Variants in FNDC1 observed in about 807,000 individuals in gnomAD.
The protein encoded by FNDC1 is fibronectin type III domain containing 1.
In FNDC1, 96 loss-of-function variants were observed where a neutral mutation model predicts 168.0. The ratio of observed to expected loss-of-function variants is 0.57; its 90% CI spans 0.48 to 0.68. FNDC1 has a LOEUF of 0.68. FNDC1 is among the 30% of genes least tolerant of loss of function. The pLI is 0.00. For synonymous variants in FNDC1, 1,099 were observed against 1,025.9 expected (o/e 1.07, Z -1.36); for missense variants, 2,587 against 2,482.1 (o/e 1.04, Z -0.90).
At chr6:159,223,767 A>C (rs1782896533) in intron 7 of FNDC1, 122 bp downstream of exon 7, 1 of 620,500 alleles carries the variant, frequency 1.6e-6, no homozygotes, top group African/African-American at 1.9e-5. Context: ...TTTGTAGCTG[A>C]ATAGCTGAAT....
chr6:159,201,095 G>A (rs922938073), intron 4 of FNDC1, among the ~76,000 whole-genome samples: 2 of 152,184 alleles, frequency 1.3e-5, no homozygotes, highest in Non-Finnish European at 2.9e-5. Context: ...ATGTTGTCTG[G>A]TCATATTGTT....
At chr6:159,263,572 C>T (rs1411460795) in intron 19 of FNDC1, among the ~76,000 whole-genome samples, 4 of 152,066 alleles carry the variant, frequency 2.6e-5, no homozygotes, top group African/African-American at 9.7e-5. Context: ...ACCATCCTGG[C>T]TAACACAGTG....
intron 16 of FNDC1, 59 bp downstream of exon 16, chr6:159,249,241 A>G: frequency 6.6e-7 from 1 of 1,517,514 alleles, no homozygotes; most frequent in Non-Finnish European, 8.9e-7. Context: ...TCTTTGAAGA[A>G]AAACATTACT....
intron 1 of FNDC1, among the ~76,000 whole-genome samples, chr6:159,195,643 C>G (rs585094): frequency 0.47 from 71,857 of 151,884 alleles, 19,095 homozygotes; most frequent in African/African-American, 0.72. Context: ...CTGTGTCCAA[C>G]GACAAATGCA....
intron 4 of FNDC1, among the ~76,000 whole-genome samples, chr6:159,203,966 G>T (rs1782429325): frequency 6.6e-6 from 1 of 152,148 alleles, no homozygotes; most frequent in Non-Finnish European, 1.5e-5. Context: ...CATTTTTAAG[G>T]TTTTTCTAAA....
rs377525008 is a variant in FNDC1, at chr6:159,215,059, G to C, written c.575G>C (p.Arg192Pro). The C allele has an allele frequency of 4.3e-6, 7 of 1,613,922 alleles. No individual in the cohort carries two copies. The African/African-American group carries it at 9.3e-5, about 22-fold the overall frequency. ...LSGAKSPRRS[R>P]GFLLGYGESG... ...GGAGCCAAGAGTCCACGCAGATCAC[G>C]GGGTTTTCTCCTGGGCTACGGGGAG... is the stretch of plus-strand genomic sequence containing the variant. The change falls in exon 5 of 23, where the codon CGG (arginine) becomes CCG (proline). Residue 192 changes from arginine to proline, a missense_variant. Coordinates refer to ENST00000297267, the MANE Select transcript of FNDC1 (RefSeq NM_032532.3).
At chr6:159,269,242 T>C (rs752298035) in intron 22 of FNDC1, among the ~76,000 whole-genome samples, 3,553 of 95,450 alleles carry the variant, frequency 0.037, 230 homozygotes, top group East Asian at 0.3. Context: ...TCTATCTATC[T>C]ATCTATCCAT....
intron 1 of FNDC1, among the ~76,000 whole-genome samples, chr6:159,175,430 GT>G (rs1225403426): frequency 2.6e-5 from 4 of 152,164 alleles, no homozygotes; most frequent in Non-Finnish European, 5.9e-5. Context: ...GTTCTGGTTG[GT>G]TTGAGCTTTT....
intron 9 of FNDC1, among the ~76,000 whole-genome samples, 176 bp from the exon 10 acceptor site, chr6:159,229,639 G>T (rs1334961007): frequency 6.6e-6 from 1 of 152,216 alleles, no homozygotes; most frequent in African/African-American, 2.4e-5. Flanking sequence ...TTGCCCGAAT[G>T]AATGTGAGTT....
chr6:159,236,402 T>C, intron 12 of FNDC1, 87 bp downstream of exon 12: 1 of 865,852 alleles, frequency 1.2e-6, no homozygotes. Flanking sequence ...ATAAATGAAG[T>C]GGTCTTTGTT....
chr6:159,197,270 A>G lies in FNDC1; in HGVS notation c.110-161A>G, dbSNP rs117611087. Among the ~76,000 whole-genome samples, 109 of 152,372 alleles carry G rather than the reference A, an allele frequency of 7.2e-4. 1 individual carries two copies. In the East Asian group the frequency reaches 0.018, roughly 26 times the overall value. ...GGTTTGGTATATTTGTTTTGTTGTC[A>G]CACTGTAATGCTGTGCAAATACATG... On this transcript the variant is annotated intron_variant, in intron 1 of 22. Transcript: ENST00000297267.
At chr6:159,209,575 G>A (rs553693748) in intron 4 of FNDC1, among the ~76,000 whole-genome samples, 28 of 152,312 alleles carry the variant, frequency 1.8e-4, no homozygotes, top group African/African-American at 6.3e-4. Context: ...AGGATGTCAG[G>A]CAGGATCCTG....
intron 1 of FNDC1, among the ~76,000 whole-genome samples, chr6:159,189,187 G>A (rs1248528972): frequency 6.6e-6 from 1 of 152,152 alleles, no homozygotes; most frequent in East Asian, 1.9e-4. Flanking sequence ...CATGGGATAG[G>A]CAGGGGGCCA....
Position 159,234,261 on chromosome 6 carries a change from G to T in FNDC1, c.3749G>T (p.Ser1250Ile). ...VKRPLPPPPG[S>I]SPRASHVPSR... The stretch of plus-strand genomic sequence containing the variant: ...CGACCTCTCCCCCCACCTCCAGGCA[G>T]CTCCCCCAGGGCCTCCCACGTCCCT... The change falls in exon 11 of 23, where the codon AGC (serine) becomes ATC (isoleucine). Residue 1250 changes from serine (S) to isoleucine (I), a missense_variant. Ser to Ile is a moderately radical substitution (Grantham distance 142). Transcript: ENST00000297267. 2 of 1,592,792 alleles carry T rather than the reference G, an allele frequency of 1.3e-6. No homozygotes were observed. The highest frequency in any genetic ancestry group is 8.5e-7 in the Non-Finnish European group (1 of 1,169,750).
intron 11 of FNDC1, among the ~76,000 whole-genome samples, chr6:159,234,858 T>A (rs1277808560): frequency 6.6e-6 from 1 of 152,246 alleles, no homozygotes; most frequent in African/African-American, 2.4e-5. Context: ...CCTGTGAAAA[T>A]GTGTCACAAC....
chr6:159,254,356 T>A (rs974628395), intron 17 of FNDC1, among the ~76,000 whole-genome samples: 1 of 152,094 alleles, frequency 6.6e-6, no homozygotes, highest in Non-Finnish European at 1.5e-5. Context: ...TTAATTCATC[T>A]CAGAAATGAG....
rs1287874383 is a variant in FNDC1 at position 159,261,209 on chromosome 6, G to A, written c.5194G>A (p.Ala1732Thr). Residue 1732 changes from alanine (A) to threonine (T), a missense_variant, in exon 19 of 23, where the codon GCA becomes ACA. Transcript: ENST00000297267. ...PNTRYYFKVQ[A>T]QNPHGYGPIS... The stretch of plus-strand genomic sequence containing the variant: ...CTTCAGGTATTATTTTAAAGTGCAA[G>A]CACAAAATCCTCATGGCTACGGACC... The A allele has an allele frequency of 1.3e-5, 21 of 1,612,190 alleles. No individual in the cohort carries two copies. The highest frequency in any genetic ancestry group is 2.2e-5 in the East Asian group (1 of 44,862).
intron 4 of FNDC1, among the ~76,000 whole-genome samples, chr6:159,206,987 C>T (rs571422898): frequency 6.6e-6 from 1 of 152,226 alleles, no homozygotes; most frequent in African/African-American, 2.4e-5. Flanking sequence ...GTTGTAGAGC[C>T]CATTCTTTAG....
At position 159,239,670 on chromosome 6, in the gene FNDC1, A is replaced by G; in HGVS notation, c.4334A>G (p.His1445Arg). Reference protein sequence around the residue: ...VGLEVIKKTTHPPTTTMQPTT... With the variant: ...VGLEVIKKTTRPPTTTMQPTT... Reference sequence around the variant, plus strand: ...TTGGAGGTCATCAAAAAAACCACCCATCCCCCTACCACTACCATGCAGCCC... The same window carrying G: ...TTGGAGGTCATCAAAAAAACCACCCGTCCCCCTACCACTACCATGCAGCCC... Residue 1445 changes from histidine (H) to arginine (R), a missense_variant, in exon 14 of 23, where the codon CAT becomes CGT. Physicochemically the swap from His to Arg is conservative, Grantham distance 29. Transcript: ENST00000297267. The G allele has an allele frequency of 2.6e-6, 4 of 1,551,470 alleles. No homozygotes were observed. The highest frequency in any genetic ancestry group is 3.5e-6 in the Non-Finnish European group (4 of 1,147,028).
Sources: allele counts gnomAD v4.1 joint callset (sites outside exome capture counted in the v4.1 genomes callset), GRCh38; gene constraint gnomAD v4.1.1; transcripts MANE v1.5; gene names NCBI Gene and HGNC (gene_info 2026-07-23, HGNC 2026-07-21).